The following ENTREP2 variants were observed in gnomAD, a reference collection of about 807,000 sequenced individuals.
The protein encoded by ENTREP2 is protein ENTREP2.
the ENTREP2 span, among the ~76,000 whole-genome samples, chr15:29,126,969 CAG>C: frequency 8.5e-5 from 13 of 152,304 alleles, no homozygotes; most frequent in African/African-American, 3.1e-4. Context: ...CCTTGGCTCT[CAG>C]GGTGTGGACG....
chr15:29,281,379 G>A, the ENTREP2 span, among the ~76,000 whole-genome samples: 1 of 152,168 alleles, frequency 6.6e-6, no homozygotes, highest in Non-Finnish European at 1.5e-5. Context: ...ATGTGACCGA[G>A]CTCTGGCCAA....
At chr15:29,516,474 T>C in the ENTREP2 span, among the ~76,000 whole-genome samples, 1 of 152,160 alleles carries the variant, frequency 6.6e-6, no homozygotes, top group Admixed American at 6.5e-5. Context: ...CTATGAACTT[T>C]GAAGTGTACA....
chr15:29,189,730 T>C, the ENTREP2 span, among the ~76,000 whole-genome samples: 5 of 152,182 alleles, frequency 3.3e-5, no homozygotes, highest in Non-Finnish European at 7.3e-5. Context: ...GTTCTGATTT[T>C]TGTAACTTAA....
chr15:29,555,825 G>A, the ENTREP2 span, among the ~76,000 whole-genome samples: 27 of 152,274 alleles, frequency 1.8e-4, no homozygotes, highest in South Asian at 6.2e-4. Flanking sequence ...TGACCTGGGG[G>A]TCAGAGTCAG....
the ENTREP2 span, among the ~76,000 whole-genome samples, chr15:29,396,794 T>C: frequency 6.6e-6 from 1 of 152,212 alleles, no homozygotes; most frequent in African/African-American, 2.4e-5. Context: ...TATAGGATGT[T>C]AGTTAAGGGT....
At chr15:29,587,386 G>A in the ENTREP2 span, among the ~76,000 whole-genome samples, 2 of 152,014 alleles carry the variant, frequency 1.3e-5, no homozygotes, top group Non-Finnish European at 2.9e-5. Flanking sequence ...TGACAAAAGG[G>A]TTCAGGAGCC....
chr15:29,659,372 G>A, the ENTREP2 span, among the ~76,000 whole-genome samples: 1 of 152,208 alleles, frequency 6.6e-6, no homozygotes, highest in African/African-American at 2.4e-5. Context: ...TCAGGAGGCT[G>A]AGGCGGAAGA....
the ENTREP2 span, among the ~76,000 whole-genome samples, chr15:29,582,098 T>C: frequency 1.3e-5 from 2 of 152,152 alleles, no homozygotes; most frequent in African/African-American, 4.8e-5. Context: ...TGCACCACCA[T>C]GCCCGGCTAA....
the ENTREP2 span, among the ~76,000 whole-genome samples, chr15:29,455,563 C>A: frequency 6.6e-6 from 1 of 152,150 alleles, no homozygotes. Context: ...TAGGTGAGGA[C>A]CTAACAATGT....
At chr15:29,504,672 G>A in the ENTREP2 span, among the ~76,000 whole-genome samples, 2 of 152,196 alleles carry the variant, frequency 1.3e-5, no homozygotes, top group Non-Finnish European at 2.9e-5. Flanking sequence ...TCTATTTGAA[G>A]CTGGATTCAG....
chr15:29,432,592 G>A, the ENTREP2 span, among the ~76,000 whole-genome samples: 1 of 152,180 alleles, frequency 6.6e-6, no homozygotes, highest in Non-Finnish European at 1.5e-5. Context: ...CAGGACCCTG[G>A]GTCCCCAGTG....
the ENTREP2 span, among the ~76,000 whole-genome samples, chr15:29,151,199 T>C: frequency 6.6e-6 from 1 of 152,178 alleles, no homozygotes; most frequent in Non-Finnish European, 1.5e-5. Flanking sequence ...GCCTCCTCGC[T>C]GCCCCTGGGA....
At chr15:29,668,257 T>C in the ENTREP2 span, among the ~76,000 whole-genome samples, 1 of 152,138 alleles carries the variant, frequency 6.6e-6, no homozygotes, top group African/African-American at 2.4e-5. Context: ...CTATTGCCAG[T>C]CCGGGGAAAC....
At chr15:29,228,102 C>A in the ENTREP2 span, among the ~76,000 whole-genome samples, 50 of 152,172 alleles carry the variant, frequency 3.3e-4, no homozygotes, top group African/African-American at 1.2e-3. Flanking sequence ...GAGGCTGAGG[C>A]GGGTGGATCA....
chr15:29,436,642 G>A, the ENTREP2 span, among the ~76,000 whole-genome samples: 2 of 152,174 alleles, frequency 1.3e-5, no homozygotes, highest in Non-Finnish European at 2.9e-5. Flanking sequence ...TGGCTGCCCA[G>A]TATCAAGAAA....
chr15:29,491,297 C>T, the ENTREP2 span, among the ~76,000 whole-genome samples: 17 of 152,202 alleles, frequency 1.1e-4, no homozygotes, highest in African/African-American at 1.9e-4. Context: ...GCTCCTGCCT[C>T]GGCCAGCCCA....
the ENTREP2 span, among the ~76,000 whole-genome samples, chr15:29,402,073 A>G: frequency 6.6e-6 from 1 of 152,128 alleles, no homozygotes; most frequent in East Asian, 1.9e-4. Context: ...TATTATGTTA[A>G]GCATATTTAA....
chr15:29,205,798 G>A, the ENTREP2 span, among the ~76,000 whole-genome samples: 1 of 152,202 alleles, frequency 6.6e-6, no homozygotes, highest in Non-Finnish European at 1.5e-5. Context: ...ATGAACAGAA[G>A]TCAATTCAAC....
chr15:29,656,632 G>A, the ENTREP2 span, among the ~76,000 whole-genome samples: 4 of 152,180 alleles, frequency 2.6e-5, no homozygotes, highest in Non-Finnish European at 5.9e-5. Flanking sequence ...CCAGGGAAGT[G>A]CAAATTAAAA....
Sources: allele counts gnomAD v4.1 joint callset (sites outside exome capture counted in the v4.1 genomes callset), GRCh38; gene constraint gnomAD v4.1.1; transcripts MANE v1.5; gene names NCBI Gene and HGNC (gene_info 2026-07-23, HGNC 2026-07-21).